The following MDGA2 variants were observed in gnomAD, a reference collection of about 807,000 sequenced individuals.
The protein encoded by MDGA2 is MAM domain containing glycosylphosphatidylinositol anchor 2.
A neutral mutation model predicts 117.8 loss-of-function variants in MDGA2; 40 were observed. The ratio of observed to expected loss-of-function variants is 0.34; its 90% CI spans 0.26 to 0.44. MDGA2 has a LOEUF of 0.44. MDGA2 is among the 20% of genes least tolerant of loss of function. The pLI is 1.00. For missense variants in MDGA2, 1,123 were observed against 1,250.6 expected (o/e 0.90, Z 1.54); for synonymous variants, 452 against 439.0 (o/e 1.03, Z -0.37).
At chr14:47,657,704 T>C (rs1384132435) in intron 1 of MDGA2, among the ~76,000 whole-genome samples, 1 of 152,182 alleles carries the variant, frequency 6.6e-6, no homozygotes, top group Non-Finnish European at 1.5e-5. Context: ...TCTCCTAACA[T>C]TGTACTAACC....
chr14:47,627,555 T>A (rs1441194244), intron 1 of MDGA2, among the ~76,000 whole-genome samples: 1 of 152,206 alleles, frequency 6.6e-6, no homozygotes, highest in Non-Finnish European at 1.5e-5. Flanking sequence ...AGAACTTTTG[T>A]GCCTAGCTCA....
At chr14:47,060,644 T>A (rs1467293715) in intron 7 of MDGA2, among the ~76,000 whole-genome samples, 1 of 152,070 alleles carries the variant, frequency 6.6e-6, no homozygotes, top group Non-Finnish European at 1.5e-5. Flanking sequence ...AAAAAACTAA[T>A]AACATGTTTT....
intron 1 of MDGA2, among the ~76,000 whole-genome samples, chr14:47,538,889 A>C (rs1183425728): frequency 6.6e-6 from 1 of 152,112 alleles, no homozygotes; most frequent in African/African-American, 2.4e-5. Flanking sequence ...ATCAGGGCTC[A>C]TTATATATCT....
chr14:47,083,776 G>A (rs1555350831), intron 6 of MDGA2, among the ~76,000 whole-genome samples: 2 of 151,840 alleles, frequency 1.3e-5, no homozygotes, highest in Non-Finnish European at 2.9e-5. Flanking sequence ...AAGTAAGCAG[G>A]GTGGCTAGAT....
chr14:47,286,880 A>G (rs9671878), intron 2 of MDGA2, among the ~76,000 whole-genome samples: 13,613 of 144,426 alleles, frequency 0.094, 815 homozygotes, highest in Non-Finnish European at 0.11. Context: ...TGAGAATGCA[A>G]CATGAAGTCC....
At chr14:47,404,893 C>G (rs1381761688) in intron 1 of MDGA2, among the ~76,000 whole-genome samples, 1 of 152,106 alleles carries the variant, frequency 6.6e-6, no homozygotes, top group Non-Finnish European at 1.5e-5. Context: ...AAGACAATTT[C>G]TCATCTTACC....
At chr14:47,636,988 A>G (rs1202427045) in intron 1 of MDGA2, among the ~76,000 whole-genome samples, 1 of 152,024 alleles carries the variant, frequency 6.6e-6, no homozygotes, top group Non-Finnish European at 1.5e-5. Context: ...AAAAAATTAA[A>G]AAAATGAATA....
chr14:47,464,665 C>T (rs1893562718), intron 1 of MDGA2, among the ~76,000 whole-genome samples: 1 of 152,086 alleles, frequency 6.6e-6, no homozygotes, highest in Non-Finnish European at 1.5e-5. Flanking sequence ...CCAAACACTG[C>T]TCAAAGAAAT....
intron 1 of MDGA2, among the ~76,000 whole-genome samples, chr14:47,387,850 C>G (rs1243409112): frequency 1.3e-5 from 2 of 152,186 alleles, no homozygotes; most frequent in Non-Finnish European, 2.9e-5. Flanking sequence ...GAAAGACCCT[C>G]TCTATGTCCA....
chr14:47,402,817 A>G (rs1456481523), intron 1 of MDGA2, among the ~76,000 whole-genome samples: 2 of 152,090 alleles, frequency 1.3e-5, no homozygotes, highest in Admixed American at 6.6e-5. Flanking sequence ...AAATGTACCC[A>G]TTAAGTATTA....
chr14:47,262,471 G>A (rs1887827815), intron 2 of MDGA2, among the ~76,000 whole-genome samples: 1 of 152,110 alleles, frequency 6.6e-6, no homozygotes, highest in Non-Finnish European at 1.5e-5. Flanking sequence ...ACCATACACT[G>A]TTTGATGTTA....
At position 47,611,218 on chromosome 14, in the gene MDGA2, T is replaced by G. The variant is rs542688069; in HGVS notation, c.280+63299A>C. Among the ~76,000 whole-genome samples, 36 of 152,260 alleles carry G rather than the reference T, an allele frequency of 2.4e-4. No individual in the cohort carries two copies. The South Asian group carries it at 7.1e-3, about 30-fold the overall frequency. On this transcript the variant is annotated intron_variant, in intron 1 of 16. Coordinates refer to ENST00000399232, the MANE Select transcript of MDGA2 (RefSeq NM_001113498.3). The stretch of plus-strand genomic sequence containing the variant: ...ATATAAAAATCACCTCAATATGGAT[T>G]AAGGACTTAAACCTAAGACCTGAAA...
At chr14:46,903,023 C>T (rs2138452984) in intron 10 of MDGA2, among the ~76,000 whole-genome samples, 1 of 152,328 alleles carries the variant, frequency 6.6e-6, no homozygotes, top group Non-Finnish European at 1.5e-5. Flanking sequence ...AAGTTTGAGC[C>T]ATTTGCAGCA....
chr14:46,880,715 T>C (rs542533254), intron 11 of MDGA2, among the ~76,000 whole-genome samples: 4 of 146,898 alleles, frequency 2.7e-5, no homozygotes, highest in African/African-American at 7.5e-5. Flanking sequence ...AGCAGGATAA[T>C]TGCTTGTACC....
rs71448157 is a variant in MDGA2, at chr14:47,013,772, G to GTATATATATATATATATATATATATA, written c.1819+21238_1819+21239insTATATATATATATATATATATATATA. ...TAGGTATGAAAACATTAATTTCCTT[G>GTATATATATATATATATATATATATA]TATATATATATATATATATATCTCC... On this transcript the variant is annotated intron_variant, in intron 8 of 16. Transcript: ENST00000399232. Among the ~76,000 whole-genome samples the GTATATATATATATATATATATATATA allele has an allele frequency of 5.0e-4, 47 of 93,654 alleles. 3 individuals are homozygous for GTATATATATATATATATATATATATA. The highest frequency in any genetic ancestry group is 6.3e-3 in the Middle Eastern group (1 of 160). 61.4% of individuals were successfully genotyped at this position (93,654 alleles called of 152,430 possible).
chr14:47,005,511 A>T (rs544209981), intron 8 of MDGA2, among the ~76,000 whole-genome samples: 1 of 151,624 alleles, frequency 6.6e-6, no homozygotes, highest in African/African-American at 2.4e-5. Context: ...TTCAGTTACT[A>T]AAGTTTTGTT....
chr14:47,580,630 G>C (rs1229856196), intron 1 of MDGA2, among the ~76,000 whole-genome samples: 6 of 151,780 alleles, frequency 4.0e-5, no homozygotes, highest in Non-Finnish European at 8.8e-5. Context: ...CTGAAAAGAG[G>C]AGACTACATG....
At chr14:47,307,869 TAG>T (rs1889507131) in intron 1 of MDGA2, among the ~76,000 whole-genome samples, 1 of 152,100 alleles carries the variant, frequency 6.6e-6, no homozygotes, top group Non-Finnish European at 1.5e-5. Context: ...GGAGAGCATG[TAG>T]AGTGAGAATA....
intron 2 of MDGA2, among the ~76,000 whole-genome samples, chr14:47,236,029 G>T (rs938961923): frequency 5.3e-5 from 8 of 151,904 alleles, no homozygotes; most frequent in African/African-American, 1.9e-4. Flanking sequence ...AAACACTGTG[G>T]GGCCTGTAAT....
Sources: allele counts gnomAD v4.1 joint callset (sites outside exome capture counted in the v4.1 genomes callset), GRCh38; gene constraint gnomAD v4.1.1; transcripts MANE v1.5; gene names NCBI Gene and HGNC (gene_info 2026-07-23, HGNC 2026-07-21).